Variants in TOP6BL observed in about 807,000 individuals in gnomAD.
TOP6BL encodes the protein type 2 DNA topoisomerase 6 subunit B-like.
At chr11:66,762,927 A>T in the TOP6BL span, among the ~76,000 whole-genome samples, 2 of 152,262 alleles carry the variant, frequency 1.3e-5, no homozygotes, top group South Asian at 4.1e-4. Context: ...GAGACAGGCC[A>T]GCTGAAGTGT....
the TOP6BL span, among the ~76,000 whole-genome samples, chr11:66,806,847 A>G: frequency 1.3e-5 from 2 of 152,226 alleles, no homozygotes; most frequent in Non-Finnish European, 2.9e-5. Flanking sequence ...ATACCATAGT[A>G]TCTTTTAGGG....
At chr11:66,745,792 G>GGGTT in the TOP6BL span, among the ~76,000 whole-genome samples, 6 of 106,278 alleles carry the variant, frequency 5.6e-5, no homozygotes, top group East Asian at 9.8e-4. Context: ...AATATCTTTA[G>GGGTT]GGTTTGTTTG....
the TOP6BL span, among the ~76,000 whole-genome samples, chr11:66,773,687 A>G: frequency 1.7e-4 from 26 of 152,134 alleles, no homozygotes; most frequent in Admixed American, 1.6e-3. Flanking sequence ...AGCTGCAATC[A>G]TTGATTAGAG....
the TOP6BL span, chr11:66,756,444 T>G: frequency 9.1e-7 from 1 of 1,100,170 alleles, no homozygotes; most frequent in Non-Finnish European, 1.2e-6. Flanking sequence ...GTGATTCTCA[T>G]GCCTCAGTCC....
chr11:66,754,061 G>A, the TOP6BL span, among the ~76,000 whole-genome samples: 47 of 152,326 alleles, frequency 3.1e-4, no homozygotes, highest in African/African-American at 1.0e-3. Context: ...ACTGAAAAAC[G>A]TAGTCAGATT....
At chr11:66,778,760 C>T in the TOP6BL span, among the ~76,000 whole-genome samples, 1 of 152,164 alleles carries the variant, frequency 6.6e-6, no homozygotes, top group South Asian at 2.1e-4. Context: ...TGACTTCAAA[C>T]TATTCTACAA....
At chr11:66,831,987 A>G in the TOP6BL span, among the ~76,000 whole-genome samples, 1 of 99,994 alleles carries the variant, frequency 1.0e-5, no homozygotes, top group East Asian at 2.9e-4. Flanking sequence ...ACAGAGTGAG[A>G]CTCTGTCTCA....
the TOP6BL span, among the ~76,000 whole-genome samples, chr11:66,753,526 C>T: frequency 2.0e-5 from 3 of 151,450 alleles, no homozygotes; most frequent in South Asian, 6.3e-4. Context: ...CCTGCCTCAG[C>T]CTCCCGAGTA....
the TOP6BL span, chr11:66,839,118 C>G: frequency 4.4e-6 from 2 of 456,256 alleles, no homozygotes; most frequent in Non-Finnish European, 8.8e-6. Context: ...TTTCTCCATA[C>G]ATGTCTCCTG....
the TOP6BL span, chr11:66,801,007 G>A: frequency 6.2e-7 from 1 of 1,611,176 alleles, no homozygotes; most frequent in South Asian, 1.1e-5. Flanking sequence ...TTGAGAGATG[G>A]CTTAGCTTTG....
At chr11:66,762,280 G>A in the TOP6BL span, 4 of 474,300 alleles carry the variant, frequency 8.4e-6, no homozygotes, top group Non-Finnish European at 1.5e-5. Context: ...CCTGAAGGGC[G>A]GGCGCACAGC....
the TOP6BL span, among the ~76,000 whole-genome samples, chr11:66,805,716 A>C: frequency 6.6e-6 from 1 of 152,030 alleles, no homozygotes; most frequent in Admixed American, 6.6e-5. Context: ...CGGCCTCCCA[A>C]AGTTTTGGGA....
chr11:66,842,513 AG>A, the TOP6BL span, among the ~76,000 whole-genome samples: 5 of 152,192 alleles, frequency 3.3e-5, no homozygotes, highest in South Asian at 2.1e-4. Flanking sequence ...CAGAAAGGTG[AG>A]GGGGGACAGA....
At chr11:66,833,946 T>C in the TOP6BL span, among the ~76,000 whole-genome samples, 1 of 149,328 alleles carries the variant, frequency 6.7e-6, no homozygotes, top group South Asian at 2.1e-4. Context: ...AGACTCTGTC[T>C]CAAAAAAAAA....
chr11:66,744,787 A>G, the TOP6BL span: 4 of 1,255,998 alleles, frequency 3.2e-6, no homozygotes, highest in Non-Finnish European at 3.0e-6. Flanking sequence ...GGGCGTGGGC[A>G]CTGGCGGAGT....
chr11:66,762,056 A>G, the TOP6BL span: 43 of 1,349,802 alleles, frequency 3.2e-5, 1 homozygote, highest in South Asian at 4.9e-4. Flanking sequence ...TTTCCGCACT[A>G]ATTTAGCTTC....
the TOP6BL span, chr11:66,788,343 A>C: frequency 8.6e-7 from 1 of 1,163,684 alleles, no homozygotes; most frequent in South Asian, 1.4e-5. Flanking sequence ...AACAAGAAAG[A>C]AAAGCCTAGG....
chr11:66,794,112 TAA>T, the TOP6BL span, among the ~76,000 whole-genome samples: 64 of 110,498 alleles, frequency 5.8e-4, no homozygotes, highest in African/African-American at 2.0e-3. Context: ...ACCCTGTTTC[TAA>T]AAAAAAAAAA....
chr11:66,800,812 G>A, the TOP6BL span: 1 of 1,030,086 alleles, frequency 9.7e-7, no homozygotes, highest in South Asian at 1.6e-5. Flanking sequence ...AAGTCACCTT[G>A]AAACTAATTT....
Sources: allele counts gnomAD v4.1 joint callset (sites outside exome capture counted in the v4.1 genomes callset), GRCh38; gene constraint gnomAD v4.1.1; transcripts MANE v1.5; gene names NCBI Gene and HGNC (gene_info 2026-07-23, HGNC 2026-07-21).